The following SUN3 variants were observed in gnomAD, a reference collection of about 807,000 sequenced individuals.
SUN3 encodes the protein SUN domain-containing protein 3.
A neutral mutation model predicts 48.2 loss-of-function variants in SUN3; 36 were observed. That is an observed-to-expected ratio of 0.75 (90% CI 0.57 to 0.99). SUN3 has a LOEUF of 0.99. SUN3 is among the 50% of genes least tolerant of loss of function. The pLI is 0.00. For synonymous variants in SUN3, 148 were observed against 147.9 expected (o/e 1.00, Z 0.00); for missense variants, 419 against 433.1 (o/e 0.97, Z 0.29).
At chr7:48,005,852 C>A in intron 6 of SUN3, 117 bp downstream of exon 6, 1 of 487,774 alleles carries the variant, frequency 2.1e-6, no homozygotes, top group Non-Finnish European at 3.7e-6. Context: ...GATTAATTTC[C>A]CCCCCCCAAG....
intron 2 of SUN3, among the ~76,000 whole-genome samples, chr7:48,021,562 A>AG (rs1491099201): frequency 1.8e-5 from 2 of 112,916 alleles, no homozygotes; most frequent in Non-Finnish European, 3.1e-5. Flanking sequence ...CTCTACAGAG[A>AG]AAAAAAAAAA....
intron 8 of SUN3, 38 bp downstream of exon 8, chr7:47,994,277 C>G (rs771230887): frequency 6.2e-7 from 1 of 1,607,780 alleles, no homozygotes; most frequent in Non-Finnish European, 8.5e-7. Context: ...CACCTTCTAT[C>G]AGGCCAATCT....
intron 6 of SUN3, among the ~76,000 whole-genome samples, chr7:48,005,223 C>A (rs1477424928): frequency 6.6e-6 from 1 of 152,184 alleles, no homozygotes; most frequent in Non-Finnish European, 1.5e-5. Flanking sequence ...CCCATCTTGT[C>A]CCCAACACTC....
chr7:47,990,426 C>T (rs1251474061), intron 8 of SUN3, among the ~76,000 whole-genome samples: 1 of 139,582 alleles, frequency 7.2e-6, no homozygotes, highest in East Asian at 2.1e-4. Context: ...CCTGCCACAT[C>T]CCCCCTCTCC....
chr7:48,001,520 C>CTTTTTT (rs1277271176), intron 6 of SUN3, among the ~76,000 whole-genome samples: 4 of 113,326 alleles, frequency 3.5e-5, no homozygotes, highest in South Asian at 3.3e-4. Flanking sequence ...CATGTCTTTT[C>CTTTTTT]TGTTTTTTTT....
intron 1 of SUN3, among the ~76,000 whole-genome samples, chr7:48,026,450 G>A (rs767455156): frequency 6.6e-6 from 1 of 151,768 alleles, no homozygotes; most frequent in Non-Finnish European, 1.5e-5. Flanking sequence ...ATACAAATAC[G>A]ATTTGTGCTC....
At chr7:47,989,386 C>T (rs1322117187) in intron 8 of SUN3, among the ~76,000 whole-genome samples, 4 of 152,258 alleles carry the variant, frequency 2.6e-5, no homozygotes, top group Middle Eastern at 3.4e-3. Flanking sequence ...AGTAAGCTCC[C>T]GTTGACTGAC....
upstream of SUN3, among the ~76,000 whole-genome samples, chr7:48,030,317 T>A (rs1790238089): frequency 6.6e-6 from 1 of 152,206 alleles, no homozygotes; most frequent in African/African-American, 2.4e-5. Context: ...AGTCCAAAAT[T>A]CGAAAGTTAC....
chr7:47,995,725 G>A (rs1035653426), intron 7 of SUN3, among the ~76,000 whole-genome samples: 1 of 152,118 alleles, frequency 6.6e-6, no homozygotes, highest in African/African-American at 2.4e-5. Flanking sequence ...CAATGGAAAA[G>A]GATGGTCACA....
In SUN3 at chr7:47,998,288, T is replaced by C. The variant is rs144238309; in HGVS notation, c.578-2142A>G. 4.8e-3 allele frequency among the ~76,000 whole-genome samples: 729 copies of C among 152,214 alleles called. 5 individuals carry two copies. Among genetic ancestry groups the C allele is most frequent in the African/African-American group, 0.017 (693 of 41,520 alleles). ...CTAATCGGTGTGTAATGATATAACA[T>C]TGAGGTTTTGACATTTCACTAATGA... On this transcript the variant is annotated intron_variant, in intron 6 of 9. Coordinates refer to ENST00000297325, the MANE Select transcript of SUN3 (RefSeq NM_001030019.2).
chr7:48,025,212 T>A (rs1790102359), intron 2 of SUN3, among the ~76,000 whole-genome samples: 1 of 152,142 alleles, frequency 6.6e-6, no homozygotes, highest in African/African-American at 2.4e-5. Context: ...TACAATGAAA[T>A]ATTATTTAGC....
At chr7:48,006,236 G>A (rs554502994) in intron 5 of SUN3, among the ~76,000 whole-genome samples, 183 bp from the exon 6 acceptor site, 2 of 152,224 alleles carry the variant, frequency 1.3e-5, no homozygotes, top group South Asian at 4.1e-4. Context: ...GCTCTTGGGA[G>A]TGTCATTTTC....
chr7:47,988,392 C>T (rs1228155302), intron 9 of SUN3, among the ~76,000 whole-genome samples: 3 of 152,108 alleles, frequency 2.0e-5, no homozygotes, highest in Non-Finnish European at 2.9e-5. Flanking sequence ...AATCTTTATC[C>T]TCTATTCCTT....
Position 47,994,481 on chromosome 7 carries a change from G to A in SUN3, c.695C>T (p.Pro232Leu), listed in dbSNP as rs188328639. Reference sequence around the variant, plus strand: ...CCAGCACTTTCCAGGGTAGACATCCGGCTGGAAAGAAAACACTGAATTAAT... The same window carrying A: ...CCAGCACTTTCCAGGGTAGACATCCAGCTGGAAAGAAAACACTGAATTAAT... ...HEMPPDIILQPDVYPGKCWAF... is the reference protein window; with the variant it reads ...HEMPPDIILQLDVYPGKCWAF... Residue 232 changes from proline to leucine, a missense_variant and splice_region_variant, in exon 8 of 10, where the codon CCG (proline) becomes CTG (leucine). By Grantham distance (98) the Pro-to-Leu change is moderately conservative. Transcript: ENST00000297325. The A allele has an allele frequency of 3.1e-5, 49 of 1,588,646 alleles. No individual in the cohort carries two copies. Among genetic ancestry groups the A allele is most frequent in the Middle Eastern group, 3.4e-4 (2 of 5,962 alleles).
At chr7:48,021,553 T>A in intron 2 of SUN3, among the ~76,000 whole-genome samples, 1 of 135,722 alleles carries the variant, frequency 7.4e-6, no homozygotes. Flanking sequence ...CTCAAACAAC[T>A]CTACAGAGAA....
chr7:48,021,918 G>A (rs1269860450), intron 2 of SUN3, among the ~76,000 whole-genome samples: 1 of 151,998 alleles, frequency 6.6e-6, no homozygotes, highest in African/African-American at 2.4e-5. Flanking sequence ...TCCTACTGTT[G>A]GGCATATACC....
upstream of SUN3, among the ~76,000 whole-genome samples, chr7:48,033,290 G>T (rs1356684581): frequency 6.6e-6 from 1 of 152,160 alleles, no homozygotes; most frequent in Non-Finnish European, 1.5e-5. Context: ...GCTAGGTGTG[G>T]TGGCTCATGC....
At chr7:47,987,620 A>G (rs1039814590) in intron 9 of SUN3, among the ~76,000 whole-genome samples, 171 bp from the exon 10 acceptor site, 3 of 151,482 alleles carry the variant, frequency 2.0e-5, no homozygotes, top group Non-Finnish European at 4.4e-5. Flanking sequence ...TGCCACCTCT[A>G]CCTCCTGGGC....
chr7:47,991,783 C>A (rs1354328365), intron 8 of SUN3, among the ~76,000 whole-genome samples: 1 of 151,924 alleles, frequency 6.6e-6, no homozygotes, highest in African/African-American at 2.4e-5. Context: ...ATGTGGGGAG[C>A]GTGTGGGTGA....
Sources: gnomAD v4.1 joint callset for allele counts (sites outside exome capture counted in the v4.1 genomes callset) on GRCh38, gnomAD v4.1.1 for gene constraint, MANE v1.5 for transcripts, NCBI Gene and HGNC (gene_info 2026-07-23, HGNC 2026-07-21) for gene names.